The following IQCJ variants were observed in gnomAD, a reference collection of about 807,000 sequenced individuals.
The protein encoded by IQCJ is IQ motif containing J, also known as IQ domain-containing protein J.
IQCJ carries 9 observed loss-of-function variants against 11.0 expected under a neutral mutation model. The observed-to-expected ratio is 0.82, with a 90% CI of 0.49 to 1.43. The LOEUF (loss-of-function observed/expected upper bound fraction) is 1.43. IQCJ is among the 40% of genes most tolerant of loss of function. The probability of loss-of-function intolerance (pLI) is 0.00; values close to 1 mark genes in which losing one functional copy is unlikely to be tolerated. For missense variants in IQCJ, 146 were observed against 133.2 expected (o/e 1.10, Z -0.47); for synonymous variants, 55 against 51.3 (o/e 1.07, Z -0.31).
Position 159,093,035 on chromosome 3 carries a change from C to T in IQCJ, c.9+23594C>T, listed in dbSNP as rs570609132. Among the ~76,000 whole-genome samples, 3 of 151,764 alleles carry T rather than the reference C, an allele frequency of 2.0e-5. No individual in the cohort carries two copies. In the South Asian group the frequency reaches 6.2e-4, roughly 31 times the overall value. ...TTATGATAGTTCATTTTAAATCCCT[C>T]GGTGGTAGTTCAAACTTTGACTCCC... is the stretch of plus-strand genomic sequence containing the variant. On this transcript the variant is annotated intron_variant, in intron 1 of 3. Transcript: ENST00000397832.
At chr3:159,151,257 C>T (rs1721199159) in intron 1 of IQCJ, among the ~76,000 whole-genome samples, 1 of 152,236 alleles carries the variant, frequency 6.6e-6, no homozygotes, top group African/African-American at 2.4e-5. Flanking sequence ...CCACTGTGCT[C>T]TGTCAGCCCA....
chr3:159,254,539 C>A (rs539842557), intron 3 of IQCJ, among the ~76,000 whole-genome samples: 5 of 152,258 alleles, frequency 3.3e-5, no homozygotes, highest in African/African-American at 1.2e-4. Context: ...ACTTGAGTCC[C>A]ATTGGAGAGT....
chr3:159,145,044 CCT>C (rs376229037), intron 1 of IQCJ, among the ~76,000 whole-genome samples: 5 of 152,124 alleles, frequency 3.3e-5, no homozygotes, highest in African/African-American at 7.2e-5. Flanking sequence ...AATGAGATCA[CCT>C]CTGTTTCCTT....
chr3:159,155,595 A>G (rs1721472760), intron 1 of IQCJ, among the ~76,000 whole-genome samples: 1 of 152,250 alleles, frequency 6.6e-6, no homozygotes, highest in African/African-American at 2.4e-5. Flanking sequence ...AAACAAAAAT[A>G]TATTTGATTA....
chr3:159,175,931 T>C (rs1722770994), intron 1 of IQCJ, among the ~76,000 whole-genome samples: 1 of 152,220 alleles, frequency 6.6e-6, no homozygotes, highest in South Asian at 2.1e-4. Flanking sequence ...CTACCATCAA[T>C]GTATGGGAGT....
intron 1 of IQCJ, among the ~76,000 whole-genome samples, chr3:159,230,227 T>C (rs1190384998): frequency 6.6e-6 from 1 of 152,170 alleles, no homozygotes; most frequent in Non-Finnish European, 1.5e-5. Flanking sequence ...GATTTCATTC[T>C]TTTTTATGGC....
At chr3:159,107,789 G>A (rs897542500) in intron 1 of IQCJ, among the ~76,000 whole-genome samples, 1 of 152,088 alleles carries the variant, frequency 6.6e-6, no homozygotes, top group Non-Finnish European at 1.5e-5. Context: ...CATCTAGTAA[G>A]TGGGGGACAT....
At chr3:159,137,645 A>G (rs1720372942) in intron 1 of IQCJ, among the ~76,000 whole-genome samples, 1 of 152,200 alleles carries the variant, frequency 6.6e-6, no homozygotes, top group Non-Finnish European at 1.5e-5. Flanking sequence ...TGACTTTCTT[A>G]TTTAAGTATC....
At chr3:159,144,438 A>C (rs1467074067) in intron 1 of IQCJ, among the ~76,000 whole-genome samples, 1 of 152,202 alleles carries the variant, frequency 6.6e-6, no homozygotes, top group Non-Finnish European at 1.5e-5. Context: ...CCTAGGCTGA[A>C]CAAACATGTA....
At chr3:159,091,563 T>C (rs571845874) in intron 1 of IQCJ, among the ~76,000 whole-genome samples, 2 of 151,496 alleles carry the variant, frequency 1.3e-5, no homozygotes, top group African/African-American at 4.9e-5. Context: ...CAGATGAATT[T>C]GAGAGGGACA....
intron 1 of IQCJ, among the ~76,000 whole-genome samples, chr3:159,162,470 T>C (rs1721919925): frequency 6.6e-6 from 1 of 152,212 alleles, no homozygotes; most frequent in Non-Finnish European, 1.5e-5. Flanking sequence ...AATCATGTCA[T>C]CTGCAAAGAG....
intron 1 of IQCJ, among the ~76,000 whole-genome samples, chr3:159,200,225 G>A (rs1724250511): frequency 6.6e-6 from 1 of 151,392 alleles, no homozygotes; most frequent in Non-Finnish European, 1.5e-5. Context: ...TTCATAGCTG[G>A]TTATTGGCAC....
At chr3:159,173,672 C>G (rs571532849) in intron 1 of IQCJ, among the ~76,000 whole-genome samples, 1 of 152,170 alleles carries the variant, frequency 6.6e-6, no homozygotes, top group Non-Finnish European at 1.5e-5. Context: ...TTGACTCCCT[C>G]GCTGCTGCAG....
intron 1 of IQCJ, among the ~76,000 whole-genome samples, chr3:159,209,331 A>G (rs1724821980): frequency 1.3e-5 from 2 of 152,064 alleles, no homozygotes; most frequent in Non-Finnish European, 2.9e-5. Flanking sequence ...GGGAAAGATC[A>G]CTTTCTTCTC....
At position 159,252,754 on chromosome 3, in the gene IQCJ, TA is replaced by T; in HGVS notation, c.104del (p.Asn35IlefsTer16). ...NHQLAMDAEN[N>X]IEKYPLNLQP... ...ACCAGCTGGCCATGGATGCAGAGAATAATATTGAAAAGTATCCCCTCAATCT... is the reference window on the plus strand; with the variant it reads ...ACCAGCTGGCCATGGATGCAGAGAATATATTGAAAAGTATCCCCTCAATCT... On this transcript the variant is annotated frameshift_variant, in exon 3 of 4. Transcript: ENST00000397832. LOFTEE classifies it high-confidence loss of function. The T allele has an allele frequency of 6.2e-7, 1 of 1,612,722 alleles. No homozygotes were observed. The highest frequency in any genetic ancestry group is 8.5e-7 in the Non-Finnish European group (1 of 1,179,252).
chr3:159,072,193 G>A (rs571445154), intron 1 of IQCJ, among the ~76,000 whole-genome samples: 1 of 151,982 alleles, frequency 6.6e-6, no homozygotes, highest in African/African-American at 2.4e-5. Flanking sequence ...TTTGTTTTTT[G>A]TACTACTTAG....
chr3:159,157,888 T>G (rs1382666130), intron 1 of IQCJ, among the ~76,000 whole-genome samples: 1 of 152,140 alleles, frequency 6.6e-6, no homozygotes, highest in Non-Finnish European at 1.5e-5. Context: ...TCCTTATTCT[T>G]TGTGTAGATC....
At chr3:159,171,352 A>C (rs1402460378) in intron 1 of IQCJ, among the ~76,000 whole-genome samples, 2 of 152,190 alleles carry the variant, frequency 1.3e-5, no homozygotes, top group African/African-American at 4.8e-5. Context: ...GTATATAGGC[A>C]TTTGTGCGTC....
At chr3:159,135,159 T>A (rs1720215074) in intron 1 of IQCJ, among the ~76,000 whole-genome samples, 1 of 152,214 alleles carries the variant, frequency 6.6e-6, no homozygotes, top group Non-Finnish European at 1.5e-5. Context: ...CCATAGTTTC[T>A]CCTAGATTTT....
Sources: allele counts gnomAD v4.1 joint callset (sites outside exome capture counted in the v4.1 genomes callset), GRCh38; gene constraint gnomAD v4.1.1; transcripts MANE v1.5; gene names NCBI Gene and HGNC (gene_info 2026-07-23, HGNC 2026-07-21).